Variants in ENPP2 observed in about 807,000 individuals in gnomAD.
The protein encoded by ENPP2 is ectonucleotide pyrophosphatase/phosphodiesterase 2, also known as autotaxin.
ENPP2 carries 51 observed loss-of-function variants against 120.2 expected under a neutral mutation model. That is an observed-to-expected ratio of 0.42 (90% CI 0.34 to 0.54). The LOEUF is 0.54. Among genes scored for constraint, ENPP2 ranks in the 20% least tolerant of loss-of-function variants. The pLI is 0.04. For synonymous variants in ENPP2, 365 were observed against 366.4 expected, an observed-to-expected ratio of 1.00 and a Z score of 0.04; for missense variants, 920 against 1,066.5, an observed-to-expected ratio of 0.86 and a Z score of 1.91.
At chr8:119,645,576 G>A (rs973082156) in intron 1 of ENPP2, among the ~76,000 whole-genome samples, 6 of 152,062 alleles carry the variant, frequency 3.9e-5, no homozygotes, top group African/African-American at 1.4e-4. Flanking sequence ...TGTAATCCCA[G>A]TACTTTGGGA....
chr8:119,635,900 G>A lies in ENPP2; in HGVS notation c.136+2525C>T, dbSNP rs144187456. On this transcript the variant is annotated intron_variant, in intron 2 of 24. Transcript: ENST00000075322. ...ACCCCAGTCCATAGTACAGCAGCGA[G>A]GGCATCCATGTGTACAGAACATTCT... Among the ~76,000 whole-genome samples, 1,190 of 152,284 alleles carry A rather than the reference G, an allele frequency of 7.8e-3. 16 individuals carry two copies. The highest frequency in any genetic ancestry group is 0.027 in the African/African-American group (1,128 of 41,556).
At chr8:119,586,481 C>A (rs567994322) in intron 14 of ENPP2, among the ~76,000 whole-genome samples, 168 bp from the exon 15 acceptor site, 1 of 152,186 alleles carries the variant, frequency 6.6e-6, no homozygotes, top group East Asian at 1.9e-4. Flanking sequence ...CAAATAGATT[C>A]AAAAGAGATT....
At chr8:119,629,500 G>T (rs1170522521) in intron 2 of ENPP2, among the ~76,000 whole-genome samples, 3 of 152,068 alleles carry the variant, frequency 2.0e-5, no homozygotes, top group Non-Finnish European at 2.9e-5. Flanking sequence ...TTAGTCCTTT[G>T]TCCTCGTTAA....
chr8:119,661,622 C>A (rs906852212), intron 1 of ENPP2, among the ~76,000 whole-genome samples: 6 of 152,048 alleles, frequency 3.9e-5, no homozygotes, highest in Admixed American at 2.6e-4. Flanking sequence ...ACTTCACAAA[C>A]AATCAAAAAT....
intron 1 of ENPP2, among the ~76,000 whole-genome samples, chr8:119,650,297 G>A (rs1449512981): frequency 1.3e-5 from 2 of 152,148 alleles, no homozygotes; most frequent in South Asian, 2.1e-4. Context: ...AACCCACAGG[G>A]GATAAAAGGT....
intron 12 of ENPP2, among the ~76,000 whole-genome samples, chr8:119,591,546 G>GT (rs1813506462): frequency 6.6e-6 from 1 of 152,152 alleles, no homozygotes; most frequent in African/African-American, 2.4e-5. Context: ...GTACAATTCA[G>GT]TATGTACATA....
At chr8:119,609,172 T>C (rs1222444775) in intron 8 of ENPP2, among the ~76,000 whole-genome samples, 1 of 152,184 alleles carries the variant, frequency 6.6e-6, no homozygotes, top group Non-Finnish European at 1.5e-5. Context: ...ATCCAGAAGC[T>C]TAACCATTGT....
At chr8:119,617,893 G>A (rs1815584227) in intron 5 of ENPP2, among the ~76,000 whole-genome samples, 1 of 152,130 alleles carries the variant, frequency 6.6e-6, no homozygotes, top group South Asian at 2.1e-4. Flanking sequence ...ATGTTGCAGT[G>A]AGCTGAGATC....
At chr8:119,623,665 G>A (rs987636940) in intron 3 of ENPP2, among the ~76,000 whole-genome samples, 1 of 151,838 alleles carries the variant, frequency 6.6e-6, no homozygotes, top group Non-Finnish European at 1.5e-5. Context: ...TCACTCTGTC[G>A]CCTGGGCTAG....
chr8:119,647,879 C>G (rs1029848514), intron 1 of ENPP2, among the ~76,000 whole-genome samples: 4 of 152,046 alleles, frequency 2.6e-5, no homozygotes, highest in African/African-American at 4.8e-5. Context: ...GTGGTGGGCG[C>G]CTGTAATCCC....
chr8:119,584,006 A>G lies in ENPP2; in HGVS notation c.1411T>C (p.Phe471Leu), dbSNP rs1310257966. 6.2e-7 allele frequency: 1 copy of G among 1,613,716 alleles called. No individual in the cohort carries two copies. Among genetic ancestry groups the G allele is most frequent in the Non-Finnish European group, 8.5e-7 (1 of 1,179,750 alleles). ...TTATCAAATCCGTGGTCTCCCTGGA[A>G]AAAGCATTTTCCTGATGGTTTCTTA... is the stretch of plus-strand genomic sequence containing the variant. ...VYKKPSGKCF[F>L]QGDHGFDNKV... is the part of the protein sequence containing the mutation. The change falls in exon 16 of 25, where the codon TTC (phenylalanine) becomes CTC (leucine). Residue 471 changes from phenylalanine (F) to leucine (L), a missense_variant. Coordinates refer to ENST00000075322, the MANE Select transcript of ENPP2 (RefSeq NM_001040092.3).
At chr8:119,582,733 T>C (rs1442820566) in intron 17 of ENPP2, 131 bp from the exon 18 acceptor site, 2 of 683,394 alleles carry the variant, frequency 2.9e-6, no homozygotes, top group Non-Finnish European at 5.0e-6. Context: ...CAAAACCAAA[T>C]GTAGATGGCA....
intron 1 of ENPP2, among the ~76,000 whole-genome samples, chr8:119,647,292 G>T (rs1255952765): frequency 6.6e-6 from 1 of 152,122 alleles, no homozygotes; most frequent in South Asian, 2.1e-4. Flanking sequence ...ACTGCGCCCA[G>T]CCCGTCTGCA....
chr8:119,631,965 A>G (rs1301657264), intron 2 of ENPP2, among the ~76,000 whole-genome samples: 1 of 152,212 alleles, frequency 6.6e-6, no homozygotes, highest in Non-Finnish European at 1.5e-5. Context: ...GAACGATGTT[A>G]AATGTCATTT....
chr8:119,650,570 C>T (rs760356961), intron 1 of ENPP2, among the ~76,000 whole-genome samples: 7 of 152,156 alleles, frequency 4.6e-5, no homozygotes, highest in Non-Finnish European at 1.0e-4. Context: ...AGAAAAGGAA[C>T]ATTAACCCTG....
chr8:119,638,792 T>C lies in ENPP2; in HGVS notation c.-12A>G, dbSNP rs376975201. ...CTCCTCCTTGCCATGTCGAGGATTC[T>C]TGGAAAGCCTTTTGCAGCGTGTTCT... On this transcript the variant is annotated 5_prime_UTR_variant, in exon 1 of 25. Coordinates refer to ENST00000075322, the MANE Select transcript of ENPP2 (RefSeq NM_001040092.3). The C allele has an allele frequency of 1.2e-5, 20 of 1,613,612 alleles. No individual in the cohort carries two copies. In the Admixed American group the frequency reaches 3.0e-4, roughly 24 times the overall value.
intron 1 of ENPP2, among the ~76,000 whole-genome samples, chr8:119,644,381 G>A (rs1019090547): frequency 6.6e-6 from 1 of 151,384 alleles, no homozygotes; most frequent in African/African-American, 2.4e-5. Flanking sequence ...GGGCAGGAAG[G>A]TATTAAGTAT....
At chr8:119,644,625 TACACAC>T (rs1217498689) in intron 1 of ENPP2, among the ~76,000 whole-genome samples, 8 of 74,312 alleles carry the variant, frequency 1.1e-4, no homozygotes, top group East Asian at 1.1e-3. Context: ...TATATATATA[TACACAC>T]ACACACACAC....
chr8:119,559,082 C>T (rs994054255), intron 24 of ENPP2, among the ~76,000 whole-genome samples: 5 of 152,110 alleles, frequency 3.3e-5, no homozygotes, highest in African/African-American at 9.7e-5. Context: ...GAATTTTAAC[C>T]TTCATGTCCC....
Sources: allele counts gnomAD v4.1 joint callset (sites outside exome capture counted in the v4.1 genomes callset), GRCh38; gene constraint gnomAD v4.1.1; transcripts MANE v1.5; gene names NCBI Gene and HGNC (gene_info 2026-07-23, HGNC 2026-07-21).